The following FREM2 variants were observed in gnomAD, a reference collection of about 807,000 sequenced individuals.
FREM2 encodes FRAS1 related extracellular matrix 2.
FREM2 carries 119 observed loss-of-function variants against 219.9 expected under a neutral mutation model. That is an observed-to-expected ratio of 0.54 (90% confidence interval 0.47 to 0.63). The LOEUF is 0.63. Ranked by LOEUF, FREM2 falls within the 30% of genes least tolerant of loss-of-function variation. The probability of loss-of-function intolerance (pLI) is 0.00; values close to 1 mark genes in which losing one functional copy is unlikely to be tolerated. For missense variants in FREM2, 4,030 were observed against 3,993.6 expected (o/e 1.01, Z -0.25); for synonymous variants, 1,562 against 1,522.8 (o/e 1.03, Z -0.60).
intron 2 of FREM2, among the ~76,000 whole-genome samples, chr13:38,714,602 G>T (rs1870913304): frequency 6.6e-6 from 1 of 152,024 alleles, no homozygotes; most frequent in Non-Finnish European, 1.5e-5. Context: ...AAGCTGTTCT[G>T]ACCACAAAAA....
intron 6 of FREM2, among the ~76,000 whole-genome samples, chr13:38,841,130 G>C (rs749083861): frequency 7.2e-5 from 11 of 152,124 alleles, no homozygotes; most frequent in Admixed American, 1.3e-4. Flanking sequence ...GTGAAAACGG[G>C]ATTAATATAG....
chr13:38,848,365 AAAG>A lies in FREM2; in HGVS notation c.6170-90_6170-88del, dbSNP rs1220786689. The A allele has an allele frequency of 5.4e-6, 5 of 928,352 alleles. No homozygotes were observed. The Admixed American group carries it at 9.0e-5, about 17-fold the overall frequency. 57.5% of individuals were successfully genotyped at this position (928,352 alleles called of 1,614,324 possible). Reference sequence around the variant, plus strand: ...GAGTTATGCTGGTCTCTATTTTTTAAAAGAAGAATTATAAACACAATTACATAA... The same window carrying A: ...GAGTTATGCTGGTCTCTATTTTTTAAAAGAATTATAAACACAATTACATAA... On this transcript the variant is annotated intron_variant, in intron 7 of 23. Transcript: ENST00000280481.
chr13:38,794,358 A>G (rs1201737704), intron 6 of FREM2, among the ~76,000 whole-genome samples: 1 of 152,194 alleles, frequency 6.6e-6, no homozygotes, highest in East Asian at 1.9e-4. Context: ...AGTTTAATAA[A>G]ACATGCCTAA....
intron 6 of FREM2, among the ~76,000 whole-genome samples, chr13:38,809,553 A>C (rs1875392471): frequency 1.3e-5 from 2 of 152,068 alleles, no homozygotes; most frequent in African/African-American, 4.8e-5. Flanking sequence ...ATGAATATTC[A>C]GTTTTCCCAG....
chr13:38,788,412 C>T (rs529898898), intron 6 of FREM2, among the ~76,000 whole-genome samples: 47 of 152,172 alleles, frequency 3.1e-4, no homozygotes, highest in Middle Eastern at 3.4e-3. Context: ...TCCACTGCTG[C>T]GTCCCCACAG....
At chr13:38,751,812 T>C (rs1178184768) in intron 2 of FREM2, among the ~76,000 whole-genome samples, 1 of 152,074 alleles carries the variant, frequency 6.6e-6, no homozygotes, top group African/African-American at 2.4e-5. Flanking sequence ...TTTTTTTTTT[T>C]CTAACAAGGA....
intron 2 of FREM2, among the ~76,000 whole-genome samples, chr13:38,743,361 T>G (rs889465177): frequency 3.3e-5 from 5 of 151,852 alleles, no homozygotes; most frequent in Non-Finnish European, 7.4e-5. Flanking sequence ...TGGCAAGATT[T>G]CTTATATTTG....
chr13:38,857,317 C>A (rs1877598983), intron 12 of FREM2, among the ~76,000 whole-genome samples: 2 of 152,266 alleles, frequency 1.3e-5, no homozygotes, highest in Admixed American at 6.5e-5. Context: ...CCTTGCCCAG[C>A]AGCAGGTGTT....
intron 6 of FREM2, among the ~76,000 whole-genome samples, chr13:38,824,247 G>T (rs1221392161): frequency 6.6e-6 from 1 of 152,068 alleles, no homozygotes; most frequent in Non-Finnish European, 1.5e-5. Context: ...TAAGCAATTA[G>T]AATTACATCA....
At chr13:38,726,572 A>G (rs1437981562) in intron 2 of FREM2, among the ~76,000 whole-genome samples, 2 of 152,112 alleles carry the variant, frequency 1.3e-5, no homozygotes, top group Non-Finnish European at 2.9e-5. Context: ...ATAGGGAGAG[A>G]GTGTAGGGGT....
intron 2 of FREM2, among the ~76,000 whole-genome samples, chr13:38,754,871 G>GATA: frequency 1.5e-5 from 1 of 67,586 alleles, no homozygotes; most frequent in East Asian, 5.2e-4. Context: ...TGATGATGAT[G>GATA]ATGATGATGA....
At chr13:38,824,312 G>A (rs1346132215) in intron 6 of FREM2, among the ~76,000 whole-genome samples, 1 of 152,048 alleles carries the variant, frequency 6.6e-6, no homozygotes, top group Non-Finnish European at 1.5e-5. Context: ...GTCTAATTCT[G>A]GCTCTGTCTT....
Position 38,882,303 on chromosome 13 carries a change from C to T in FREM2, c.*1516C>T, listed in dbSNP as rs1878576834. 1 of 152,276 alleles carries T rather than the reference C, an allele frequency of 6.6e-6. No homozygotes were observed. Among genetic ancestry groups the T allele is most frequent in the South Asian group, 2.1e-4 (1 of 4,822 alleles). The allele number at this position is 152,276 out of a possible 1,614,324, so 9.4% of individuals were successfully genotyped here. ...TTATCCTTCAGATGCTGGCTAGAAT[C>T]CCCTTTGACTTCTAGCCATAAGCTG... is the stretch of plus-strand genomic sequence containing the variant. On this transcript the variant is annotated 3_prime_UTR_variant, in exon 24 of 24. Transcript: ENST00000280481.
At chr13:38,813,464 TTCTCTCTCTCTCTCTCTCTCTCTCTC>T (rs1170570605) in intron 6 of FREM2, among the ~76,000 whole-genome samples, 8 of 60,456 alleles carry the variant, frequency 1.3e-4, no homozygotes, top group African/African-American at 5.7e-4. Flanking sequence ...GTTATTTGTT[TTCTCTCTCTCTCTCTCTCTCTCTCTC>T]TCTCTCTCTC....
intron 6 of FREM2, among the ~76,000 whole-genome samples, chr13:38,821,195 G>A (rs926842647): frequency 6.6e-6 from 1 of 151,954 alleles, no homozygotes; most frequent in Admixed American, 6.6e-5. Flanking sequence ...TGAGAAATAG[G>A]CCTTCATCCT....
In FREM2 at chr13:38,689,652, G is replaced by T. The variant is rs7327915; in HGVS notation, c.2308G>T (p.Val770Leu). The stretch of plus-strand genomic sequence containing the variant: ...GGTCTTGACTGACAACCCCTCAGTC[G>T]TGGTGACCCATTTTACCCAAGCCCA... ...TLVLTDNPSV[V>L]VTHFTQAQIN... The change falls in exon 1 of 24, where the codon GTG becomes TTG. Residue 770 changes from valine to leucine, a missense_variant. This residue lies in a region of FREM2 where 3,102 missense variants were observed against 2,950.7 expected (regional missense o/e 1.05). Transcript: ENST00000280481. 2.4e-5 allele frequency: 38 copies of T among 1,613,964 alleles called. No homozygotes were observed. The African/African-American group carries it at 4.5e-4, about 19-fold the overall frequency.
chr13:38,874,787 T>G (rs1878287054), intron 18 of FREM2, among the ~76,000 whole-genome samples: 1 of 152,174 alleles, frequency 6.6e-6, no homozygotes, highest in African/African-American at 2.4e-5. Flanking sequence ...TATGCAGACT[T>G]TCAGAGAAAA....
rs1878623504 is a variant in FREM2, at chr13:38,883,519, G to C, written c.*2732G>C. The C allele has an allele frequency of 6.6e-6, 1 of 152,074 alleles. No homozygotes were observed. The highest frequency in any genetic ancestry group is 2.1e-4 in the South Asian group (1 of 4,828). The allele number at this position is 152,074 out of a possible 1,614,324, so 9.4% of individuals were successfully genotyped here. A position where few individuals can be genotyped will look rare whatever the true frequency, so the allele number is the denominator to read the frequency against. On this transcript the variant is annotated 3_prime_UTR_variant, in exon 24 of 24. Transcript: ENST00000280481. ...AAAACCAAAAATAAATATTATTCAA[G>C]TGGCTCTTCTAAGCATGTGAATCAT...
chr13:38,816,578 A>G (rs908481822), intron 6 of FREM2, among the ~76,000 whole-genome samples: 1 of 152,222 alleles, frequency 6.6e-6, no homozygotes, highest in Non-Finnish European at 1.5e-5. Context: ...ACTTACCTCA[A>G]TGCAGTAACA....
Sources: gnomAD v4.1 joint callset for allele counts (sites outside exome capture counted in the v4.1 genomes callset) on GRCh38, gnomAD v4.1.1 for gene constraint, gnomAD v4.1.1 regional missense constraint, MANE v1.5 for transcripts, NCBI Gene and HGNC (gene_info 2026-07-23, HGNC 2026-07-21) for gene names.